USP4: variants seen among roughly 807,000 people sequenced by gnomAD.
The protein encoded by USP4 is ubiquitin specific peptidase 4.
USP4 carries 72 observed loss-of-function variants against 118.2 expected under a neutral mutation model. That is an observed-to-expected ratio of 0.61 (90% CI 0.50 to 0.74). The LOEUF (loss-of-function observed/expected upper bound fraction) is 0.74. Among genes scored for constraint, USP4 ranks in the 30% least tolerant of loss-of-function variants. The pLI, the probability that USP4 is intolerant of heterozygous loss-of-function variation, is 0.00. For synonymous variants in USP4, 415 were observed against 440.4 expected (o/e 0.94, Z 0.72); for missense variants, 1,037 against 1,185.7 (o/e 0.87, Z 1.84).
chr3:49,280,937 G>A, intron 19 of USP4, 90 bp from the exon 20 acceptor site: 1 of 1,008,602 alleles, frequency 9.9e-7, no homozygotes, highest in Non-Finnish European at 1.5e-6. Context: ...TATGCAACAG[G>A]GCAGAACACA....
intron 19 of USP4, among the ~76,000 whole-genome samples, chr3:49,283,118 C>T (rs933749946): frequency 1.4e-4 from 20 of 144,402 alleles, no homozygotes; most frequent in Admixed American, 7.9e-4. Flanking sequence ...TAGGTTCAGG[C>T]GATTTTCCTG....
Position 49,278,811 on chromosome 3 carries a change from C to A in USP4, c.2733+3G>T. On this transcript the variant is annotated splice_donor_region_variant and intron_variant, in intron 21 of 21. Transcript: ENST00000265560. ...GAAGAACCACATATCATGGCCTACT[C>A]ACCACTATCTGATCCTCAGAGGCCA... is the stretch of plus-strand genomic sequence containing the variant. 6.3e-7 allele frequency: 1 copy of A among 1,599,794 alleles called. No individual in the cohort carries two copies. Among genetic ancestry groups the A allele is most frequent in the Non-Finnish European group, 8.5e-7 (1 of 1,170,966 alleles).
rs1265716624 is a variant in USP4 at position 49,278,286 on chromosome 3, G to A, written c.*7C>T. ...CGCTACAGGGTGGCAGGATCGTGGAGTCAGCATTAGTTGGTGTCCATGCTG... is the reference window on the plus strand; with the variant it reads ...CGCTACAGGGTGGCAGGATCGTGGAATCAGCATTAGTTGGTGTCCATGCTG... On this transcript the variant is annotated 3_prime_UTR_variant, in exon 22 of 22. Transcript: ENST00000265560. The A allele has an allele frequency of 2.5e-6, 4 of 1,612,566 alleles. No individual in the cohort carries two copies. The South Asian group carries it at 3.3e-5, about 13-fold the overall frequency.
At chr3:49,279,906 G>A (rs1363961336) in intron 20 of USP4, among the ~76,000 whole-genome samples, 7 of 152,176 alleles carry the variant, frequency 4.6e-5, no homozygotes, top group African/African-American at 7.2e-5. Flanking sequence ...CCTCATGGAT[G>A]AGAAAACTGA....
intron 9 of USP4, among the ~76,000 whole-genome samples, chr3:49,302,888 A>G (rs1361407320): frequency 2.0e-5 from 3 of 152,216 alleles, no homozygotes; most frequent in Admixed American, 1.3e-4. Context: ...CCATAAGGAC[A>G]TTACAAACAA....
chr3:49,308,719 A>T (rs1410088210), intron 8 of USP4, among the ~76,000 whole-genome samples: 2 of 151,382 alleles, frequency 1.3e-5, no homozygotes, highest in African/African-American at 4.8e-5. Context: ...ATCATTACAC[A>T]TCAATGCCAG....
intron 20 of USP4, 40 bp downstream of exon 20, chr3:49,280,704 C>T: frequency 1.3e-6 from 2 of 1,551,732 alleles, no homozygotes; most frequent in East Asian, 2.2e-5. Context: ...TGGCCGAGCA[C>T]ATTTCAACAT....
intron 1 of USP4, among the ~76,000 whole-genome samples, chr3:49,336,947 C>T (rs1161500636): frequency 6.6e-6 from 1 of 152,140 alleles, no homozygotes; most frequent in Non-Finnish European, 1.5e-5. Context: ...GTTAGAAACA[C>T]CACCCACTTC....
chr3:49,297,173 C>T (rs578088667), intron 13 of USP4, among the ~76,000 whole-genome samples: 4 of 152,158 alleles, frequency 2.6e-5, no homozygotes, highest in African/African-American at 9.7e-5. Context: ...AGGGACAGTA[C>T]GGCTGTGCTC....
chr3:49,279,082 T>A, intron 20 of USP4, 180 bp from the exon 21 acceptor site: 1 of 393,334 alleles, frequency 2.5e-6, no homozygotes, highest in Non-Finnish European at 4.5e-6. Flanking sequence ...ATCTGTTCCT[T>A]CTCAAAAAGG....
At chr3:49,287,325 T>C (rs1274300781) in intron 15 of USP4, among the ~76,000 whole-genome samples, 12 of 152,016 alleles carry the variant, frequency 7.9e-5, no homozygotes, top group Non-Finnish European at 1.5e-5. Flanking sequence ...CGGCTACTTT[T>C]TTGTATTTTT....
At chr3:49,316,459 A>C (rs2047437164) in intron 6 of USP4, among the ~76,000 whole-genome samples, 1 of 151,930 alleles carries the variant, frequency 6.6e-6, no homozygotes, top group East Asian at 2.0e-4. Context: ...AGCTGGAATT[A>C]CAGGTGCATG....
intron 2 of USP4, among the ~76,000 whole-genome samples, chr3:49,334,191 A>G (rs1361730303): frequency 6.6e-6 from 1 of 152,244 alleles, no homozygotes; most frequent in Non-Finnish European, 1.5e-5. Context: ...AATACCTACA[A>G]AATTTGCTAA....
intron 9 of USP4, among the ~76,000 whole-genome samples, chr3:49,304,984 G>A (rs112274965): frequency 0.069 from 10,433 of 150,856 alleles, 485 homozygotes; most frequent in Middle Eastern, 0.1. Flanking sequence ...GGCTGATCTC[G>A]AACTCCTGAC....
chr3:49,278,559 AGAG>A (rs1206530116), intron 21 of USP4, 108 bp from the exon 22 acceptor site: 5 of 1,345,816 alleles, frequency 3.7e-6, no homozygotes, highest in Non-Finnish European at 5.1e-6. Flanking sequence ...ATATCCACAC[AGAG>A]GAGACCCTTC....
chr3:49,278,603 C>A, intron 21 of USP4, 152 bp from the exon 22 acceptor site: 1 of 1,026,836 alleles, frequency 9.7e-7, no homozygotes, highest in Admixed American at 2.5e-5. Context: ...TGCCAGGCAG[C>A]AGGAAATGGA....
intron 1 of USP4, among the ~76,000 whole-genome samples, chr3:49,339,039 C>A (rs977442484): frequency 5.3e-5 from 8 of 150,142 alleles, no homozygotes; most frequent in Non-Finnish European, 1.0e-4. Context: ...CCCAGCTACT[C>A]GGGAGGCTGA....
At chr3:49,280,988 G>A in intron 19 of USP4, 141 bp from the exon 20 acceptor site, 1 of 629,578 alleles carries the variant, frequency 1.6e-6, no homozygotes, top group African/African-American at 1.8e-5. Context: ...AAGATGGAAG[G>A]GACTCTAGGA....
intron 1 of USP4, 92 bp downstream of exon 1, chr3:49,339,827 ACCATC>A: frequency 1.0e-6 from 1 of 977,846 alleles, no homozygotes; most frequent in Non-Finnish European, 1.6e-6. Flanking sequence ...GTCACTACAT[ACCATC>A]CCCGCCCAGC....
Sources: gnomAD v4.1 joint callset for allele counts (sites outside exome capture counted in the v4.1 genomes callset) on GRCh38, gnomAD v4.1.1 for gene constraint, MANE v1.5 for transcripts, NCBI Gene and HGNC (gene_info 2026-07-23, HGNC 2026-07-21) for gene names.